The following CDC42 variants were observed in gnomAD, a reference collection of about 807,000 sequenced individuals.
CDC42 encodes the protein cell division cycle 42, also known as cell division control protein 42 homolog.
CDC42 carries 1 observed loss-of-function variant against 20.8 expected under a neutral mutation model. The ratio of observed to expected loss-of-function variants is 0.05; its 90% CI spans 0.02 to 0.23. CDC42 has a LOEUF of 0.23. Among genes scored for constraint, CDC42 ranks in the 10% least tolerant of loss-of-function variants. The pLI is 1.00. For missense variants in CDC42, 49 were observed against 227.9 expected, an observed-to-expected ratio of 0.21 and a Z score of 5.05; for synonymous variants, 72 against 84.8, an observed-to-expected ratio of 0.85 and a Z score of 0.83.
At chr1:22,063,147 C>T (rs771791453) in intron 1 of CDC42, among the ~76,000 whole-genome samples, 2 of 151,968 alleles carry the variant, frequency 1.3e-5, no homozygotes, top group Non-Finnish European at 2.9e-5. Context: ...CTTGCTTGTG[C>T]CTTTTCTCCT....
At chr1:22,061,522 A>T (rs1009078460) in intron 1 of CDC42, among the ~76,000 whole-genome samples, 2 of 119,772 alleles carry the variant, frequency 1.7e-5, no homozygotes, top group African/African-American at 3.1e-5. Context: ...GTTTAACTTC[A>T]TGTTTCTTTC....
Position 22,093,117 on chromosome 1 carries a change from A to G in CDC42, c.*1600A>G, listed in dbSNP as rs1280876126. Among the ~76,000 whole-genome samples, 1 of 152,114 alleles carries G rather than the reference A, an allele frequency of 6.6e-6. No individual in the cohort carries two copies. Among genetic ancestry groups the G allele is most frequent in the East Asian group, 1.9e-4 (1 of 5,196 alleles). ...TTTGAGATAATATTTAGCCCTCTATATGTTCAGGTTTGTGCTTTCTCCTCT... is the reference window on the plus strand; with the variant it reads ...TTTGAGATAATATTTAGCCCTCTATGTGTTCAGGTTTGTGCTTTCTCCTCT... On this transcript the variant is annotated 3_prime_UTR_variant, in exon 6 of 6. Coordinates refer to ENST00000656825, the MANE Select transcript of CDC42 (RefSeq NM_001791.4).
At chr1:22,064,313 A>T in intron 1 of CDC42, 1 of 20,656 alleles carries the variant, frequency 4.8e-5, no homozygotes, top group South Asian at 2.0e-3. Flanking sequence ...ATTTTTTGAG[A>T]TAGAGTCTCG....
chr1:22,101,221 A>G lies in CDC42; in HGVS notation c.*9704A>G, dbSNP rs1019351406. ...ACTATATCTTCATTTCTCCCATGGT[A>G]GTAATAACACTGTTGGAAAGAGCTC... On this transcript the variant is annotated 3_prime_UTR_variant, in exon 6 of 6. Transcript: ENST00000656825. The G allele has an allele frequency of 5.3e-5, 8 of 152,244 alleles. No homozygotes were observed. The highest frequency in any genetic ancestry group is 1.0e-4 in the Non-Finnish European group (7 of 68,048). 9.4% of individuals were successfully genotyped at this position (152,244 alleles called of 1,614,324 possible). A position where few individuals can be genotyped will look rare whatever the true frequency, so the allele number is the denominator to read the frequency against.
At position 22,099,875 on chromosome 1, in the gene CDC42, G is replaced by A. The variant is rs1212282555; in HGVS notation, c.*8358G>A. ...CCCCATTTTTTCATATGTGGAAACT[G>A]AGGCATGTTATGATACAAAGCTTGT... On this transcript the variant is annotated 3_prime_UTR_variant, in exon 6 of 6. Coordinates refer to ENST00000656825, the MANE Select transcript of CDC42 (RefSeq NM_001791.4). Among the ~76,000 whole-genome samples, 1 of 151,066 alleles carries A rather than the reference G, an allele frequency of 6.6e-6. No homozygotes were observed. The highest frequency in any genetic ancestry group is 2.4e-5 in the African/African-American group (1 of 41,052).
intron 1 of CDC42, among the ~76,000 whole-genome samples, chr1:22,077,429 T>G (rs1434655047): frequency 2.0e-5 from 3 of 152,188 alleles, no homozygotes; most frequent in Non-Finnish European, 4.4e-5. Flanking sequence ...CATGGTGGCA[T>G]CTGACCAAGA....
intron 1 of CDC42, among the ~76,000 whole-genome samples, chr1:22,069,613 CTTTTTTTTTTTTTTTT>C (rs56218067): frequency 9.1e-6 from 1 of 109,766 alleles, no homozygotes; most frequent in Non-Finnish European, 1.8e-5. Flanking sequence ...CATGCCACCA[CTTTTTTTTTTTTTTTT>C]TTTTTTTTTT....
At chr1:22,079,028 A>G (rs755984757) in intron 2 of CDC42, 3 of 339,556 alleles carry the variant, frequency 8.8e-6, no homozygotes, top group African/African-American at 2.2e-5. Context: ...CTTAGCAGTA[A>G]TGGAGCTCCA....
intron 1 of CDC42, among the ~76,000 whole-genome samples, chr1:22,060,433 A>G (rs1321914715): frequency 1.3e-5 from 2 of 152,180 alleles, no homozygotes; most frequent in Non-Finnish European, 1.5e-5. Flanking sequence ...AGATGATTAA[A>G]CCAGAGGGAG....
In CDC42 at chr1:22,064,678, C is replaced by T. The variant is rs888908619; in HGVS notation, c.-51+11936C>T. Among the ~76,000 whole-genome samples the T allele has an allele frequency of 2.5e-5, 3 of 120,574 alleles. No individual in the cohort carries two copies. The South Asian group carries it at 8.9e-4, about 36-fold the overall frequency. The allele number at this position is 120,574 out of a possible 152,430, so 79.1% of individuals were successfully genotyped here. On this transcript the variant is annotated intron_variant, in intron 1 of 5. Transcript: ENST00000656825. ...GAACACAGCCTGCTATAGAAGATTG[C>T]CTAGAGAAGATTCTTTTTTTTTTTT...
At chr1:22,077,332 C>T (rs1188043072) in intron 1 of CDC42, among the ~76,000 whole-genome samples, 13 of 152,014 alleles carry the variant, frequency 8.6e-5, no homozygotes. Flanking sequence ...TATAGTGGTG[C>T]ATGAGGTAGT....
intron 3 of CDC42, among the ~76,000 whole-genome samples, chr1:22,084,335 G>GTTTTTTTTCTTTTT (rs1645637973): frequency 2.5e-5 from 2 of 80,688 alleles, no homozygotes; most frequent in Non-Finnish European, 4.5e-5. Context: ...CTTATTTCCT[G>GTTTTTTTTCTTTTT]TTTTTTTTTT....
chr1:22,057,392 T>G (rs1337838957), intron 1 of CDC42, among the ~76,000 whole-genome samples: 1 of 152,222 alleles, frequency 6.6e-6, no homozygotes, highest in Non-Finnish European at 1.5e-5. Flanking sequence ...ACATTTCTTT[T>G]TTCTTTTTTG....
intron 5 of CDC42, chr1:22,090,787 A>G (rs888943486): frequency 7.3e-5 from 72 of 985,130 alleles, no homozygotes; most frequent in Non-Finnish European, 6.7e-5. Context: ...GAAATTAAAA[A>G]TATACAACCG....
At chr1:22,056,265 T>G (rs1243980318) in intron 1 of CDC42, among the ~76,000 whole-genome samples, 1 of 152,246 alleles carries the variant, frequency 6.6e-6, no homozygotes, top group Non-Finnish European at 1.5e-5. Flanking sequence ...TTGTGCTTGG[T>G]CAGCCATATC....
At chr1:22,061,693 G>A (rs1244065342) in intron 1 of CDC42, among the ~76,000 whole-genome samples, 1 of 149,472 alleles carries the variant, frequency 6.7e-6, no homozygotes, top group Non-Finnish European at 1.5e-5. Flanking sequence ...ACAGGTGCCC[G>A]CCACCATGCC....
intron 1 of CDC42, among the ~76,000 whole-genome samples, chr1:22,061,595 G>C (rs1229784290): frequency 7.8e-6 from 1 of 128,014 alleles, no homozygotes; most frequent in Non-Finnish European, 1.6e-5. Context: ...CCAGGCTGTA[G>C]TGCAGTGGCA....
intron 1 of CDC42, among the ~76,000 whole-genome samples, chr1:22,060,707 G>T (rs761689270): frequency 3.9e-5 from 6 of 152,170 alleles, no homozygotes; most frequent in Non-Finnish European, 1.5e-5. Context: ...AACTTTACTA[G>T]TATTTGTTTC....
In CDC42 at chr1:22,086,555, TGATCAGATACTCTTGCCCTAAGAA is replaced by T; in HGVS notation, c.288+13_288+36del. 1 of 1,599,872 alleles carries T rather than the reference TGATCAGATACTCTTGCCCTAAGAA, an allele frequency of 6.3e-7. No individual in the cohort carries two copies. The highest frequency in any genetic ancestry group is 8.6e-7 in the Non-Finnish European group (1 of 1,167,684). ...TGAAAACGTGAAAGAAAAGGTAAGC[TGATCAGATACTCTTGCCCTAAGAA>T]GATCATCTCAGAATTTCTACTGACC... On this transcript the variant is annotated splice_region_variant and intron_variant, in intron 4 of 5. Coordinates refer to ENST00000656825, the MANE Select transcript of CDC42 (RefSeq NM_001791.4).
Sources: gnomAD v4.1 joint callset for allele counts (sites outside exome capture counted in the v4.1 genomes callset) on GRCh38, gnomAD v4.1.1 for gene constraint, MANE v1.5 for transcripts, NCBI Gene and HGNC (gene_info 2026-07-23, HGNC 2026-07-21) for gene names.